Variants in ZNF782 observed in about 807,000 individuals in gnomAD.
The protein encoded by ZNF782 is zinc finger protein 782.
A neutral mutation model predicts 13.0 loss-of-function variants in ZNF782; 12 were observed. The observed-to-expected ratio is 0.92, with a 90% confidence interval of 0.59 to 1.50. The LOEUF is 1.50. Among genes scored for constraint, ZNF782 ranks in the 40% most tolerant of loss-of-function variants. ZNF782 has a pLI of 0.00. For missense variants in ZNF782, 770 were observed against 822.9 expected, an observed-to-expected ratio of 0.94 and a Z score of 0.79; for synonymous variants, 284 against 283.0, an observed-to-expected ratio of 1.00 and a Z score of -0.04.
At chr9:96,840,503 A>C (rs1851153961) in intron 4 of ZNF782, among the ~76,000 whole-genome samples, 1 of 152,070 alleles carries the variant, frequency 6.6e-6, no homozygotes. Flanking sequence ...TTTTTTTAAC[A>C]GAAAGGTTTT....
At chr9:96,924,925 C>T in the ZNF782 span, among the ~76,000 whole-genome samples, 4 of 152,254 alleles carry the variant, frequency 2.6e-5, no homozygotes, top group Non-Finnish European at 5.9e-5. Flanking sequence ...CCGCCTTGAG[C>T]GCAGCCACAG....
chr9:96,873,638 TGCAGTGA>T (rs1851854898), intron 1 of ZNF782, among the ~76,000 whole-genome samples: 1 of 152,204 alleles, frequency 6.6e-6, no homozygotes. Context: ...AGGCAGACGT[TGCAGTGA>T]GCAGTGAGCA....
At chr9:96,837,560 T>G (rs1278266586) in intron 4 of ZNF782, among the ~76,000 whole-genome samples, 1 of 152,218 alleles carries the variant, frequency 6.6e-6, no homozygotes, top group Non-Finnish European at 1.5e-5. Flanking sequence ...TATTGTTTCC[T>G]TTTGCTAGGT....
In ZNF782 at chr9:96,870,806, C is replaced by T. The variant is rs113245962; in HGVS notation, c.-457+4662G>A. 9.0e-3 allele frequency among the ~76,000 whole-genome samples: 1,370 copies of T among 152,300 alleles called. 18 individuals carry two copies. Among genetic ancestry groups the T allele is most frequent in the African/African-American group, 0.032 (1,310 of 41,544 alleles). ...TAACAACTCATAAAGCCACTAGGAG[C>T]AGATGCAGCATTGTCAGGTACTGAA... On this transcript the variant is annotated intron_variant, in intron 1 of 5. Transcript: ENST00000498811.
chr9:96,868,609 T>C (rs189687757), intron 1 of ZNF782, among the ~76,000 whole-genome samples: 6 of 152,380 alleles, frequency 3.9e-5, no homozygotes, highest in South Asian at 2.1e-4. Flanking sequence ...AATTCAACTA[T>C]GCCTTTGAAA....
the ZNF782 span, among the ~76,000 whole-genome samples, chr9:96,896,594 A>T: frequency 4.9e-4 from 74 of 152,342 alleles, no homozygotes; most frequent in African/African-American, 1.7e-3. Flanking sequence ...TACAACCAAA[A>T]AAAGAGGCAT....
At position 96,818,569 on chromosome 9, in the gene ZNF782, T is replaced by C. The variant is rs1439202748; in HGVS notation, c.1454A>G (p.Lys485Arg). The C allele has an allele frequency of 6.2e-7, 1 of 1,613,654 alleles. No homozygotes were observed. The highest frequency in any genetic ancestry group is 8.5e-7 in the Non-Finnish European group (1 of 1,179,934). The change falls in exon 6 of 6, where the codon AAA becomes AGA. Residue 485 changes from lysine (K) to arginine (R), a missense_variant. Transcript: ENST00000481138. ...EKPFECNECG[K>R]SFSHMSGLRN... ...TAGGCCTGACATATGGCTGAAAGAT[T>C]TCCCGCATTCATTACATTCAAAAGG... is the stretch of plus-strand genomic sequence containing the variant.
At chr9:96,930,872 G>GTGTTTTT in the ZNF782 span, among the ~76,000 whole-genome samples, 1 of 72,726 alleles carries the variant, frequency 1.4e-5, no homozygotes, top group Admixed American at 2.0e-4. Flanking sequence ...CCATCCAGTG[G>GTGTTTTT]TTTTTTTTTT....
chr9:96,875,297 C>G (rs923449385), intron 1 of ZNF782, among the ~76,000 whole-genome samples: 2 of 152,200 alleles, frequency 1.3e-5, no homozygotes, highest in African/African-American at 4.8e-5. Flanking sequence ...CTTCTAAATA[C>G]AATAGCAGCT....
chr9:96,930,887 T>G, the ZNF782 span, among the ~76,000 whole-genome samples: 5 of 71,160 alleles, frequency 7.0e-5, no homozygotes, highest in Admixed American at 1.3e-4. Flanking sequence ...TTTTTTTTTT[T>G]TTTTTTTTTT....
intron 4 of ZNF782, among the ~76,000 whole-genome samples, chr9:96,828,551 T>C (rs1290634970): frequency 6.6e-6 from 1 of 152,172 alleles, no homozygotes; most frequent in African/African-American, 2.4e-5. Flanking sequence ...ATGGCCCATA[T>C]GGCCAGGCAC....
In ZNF782 at chr9:96,818,574, G is replaced by C; in HGVS notation, c.1449C>G (p.Cys483Trp). 1 of 1,611,336 alleles carries C rather than the reference G, an allele frequency of 6.2e-7. No homozygotes were observed. The highest frequency in any genetic ancestry group is 8.5e-7 in the Non-Finnish European group (1 of 1,179,120). Residue 483 changes from cysteine to tryptophan, a missense_variant, in exon 6 of 6, where the codon TGC (cysteine) becomes TGG (tryptophan). Transcript: ENST00000481138. ...TGEKPFECNE[C>W]GKSFSHMSGL... ...CTGACATATGGCTGAAAGATTTCCC[G>C]CATTCATTACATTCAAAAGGTTTCT... is the stretch of plus-strand genomic sequence containing the variant.
At position 96,819,909 on chromosome 9, in the gene ZNF782, G is replaced by A. The variant is rs12554400; in HGVS notation, c.245-131C>T. ...TCTGGCTCAGTTTCTCAACAATAAA[G>A]TAATTTCAAGTACATATTCCCCATA... On this transcript the variant is annotated intron_variant, in intron 5 of 5. Transcript: ENST00000481138. 4.1e-3 allele frequency: 2,979 copies of A among 723,678 alleles called. 201 individuals are homozygous for A. The Admixed American group carries it at 0.11, about 27-fold the overall frequency. The allele number at this position is 723,678 out of a possible 1,614,324, so 44.8% of individuals were successfully genotyped here. A position where few individuals can be genotyped will look rare whatever the true frequency, so the allele number is the denominator to read the frequency against.
At chr9:96,906,340 A>C in the ZNF782 span, among the ~76,000 whole-genome samples, 1 of 148,526 alleles carries the variant, frequency 6.7e-6, no homozygotes, top group Admixed American at 6.6e-5. Context: ...AATTCAATTC[A>C]ATTCTGACAC....
At position 96,869,117 on chromosome 9, in the gene ZNF782, T is replaced by C. The variant is rs1851794797; in HGVS notation, c.-457+6351A>G. ...TCAGTCAAACACCAATGCCAACATCTGCAACTAGATCATATTAAGAAGTGA... is the reference window on the plus strand; with the variant it reads ...TCAGTCAAACACCAATGCCAACATCCGCAACTAGATCATATTAAGAAGTGA... On this transcript the variant is annotated intron_variant, in intron 1 of 5. Transcript: ENST00000498811. 1.3e-5 allele frequency among the ~76,000 whole-genome samples: 2 copies of C among 152,090 alleles called. 1 individual carries two copies. The highest frequency in any genetic ancestry group is 4.1e-4 in the South Asian group (2 of 4,822).
At chr9:96,902,890 C>T in the ZNF782 span, 1 of 150,976 alleles carries the variant, frequency 6.6e-6, no homozygotes, top group Non-Finnish European at 1.5e-5. Flanking sequence ...GCAGCCTCCC[C>T]CTCCTGGGTT....
chr9:96,853,897 A>G (rs1041478877), intron 1 of ZNF782, among the ~76,000 whole-genome samples, 191 bp downstream of exon 1: 4 of 152,244 alleles, frequency 2.6e-5, no homozygotes, highest in Admixed American at 2.0e-4. Context: ...TCTTCTAAAT[A>G]TAACAGCAGC....
intron 1 of ZNF782, among the ~76,000 whole-genome samples, chr9:96,867,413 T>A (rs571695757): frequency 6.6e-6 from 1 of 152,200 alleles, no homozygotes; most frequent in African/African-American, 2.4e-5. Flanking sequence ...TCCCCAGCCA[T>A]GTGGAACTGT....
the ZNF782 span, among the ~76,000 whole-genome samples, chr9:96,886,879 G>A: frequency 1.4e-4 from 21 of 145,986 alleles, no homozygotes; most frequent in African/African-American, 3.0e-4. Context: ...GCCAGGATGC[G>A]TCACTGCACT....
Sources: gnomAD v4.1 joint callset for allele counts (sites outside exome capture counted in the v4.1 genomes callset) on GRCh38, gnomAD v4.1.1 for gene constraint, MANE v1.5 for transcripts, NCBI Gene and HGNC (gene_info 2026-07-23, HGNC 2026-07-21) for gene names.